The following NCOA2 variants were observed in gnomAD, a reference collection of about 807,000 sequenced individuals.
NCOA2 encodes class E basic helix-loop-helix protein 75.
In NCOA2, 21 loss-of-function variants were observed where a neutral mutation model predicts 145.1. The observed-to-expected ratio is 0.14, with a 90% CI of 0.10 to 0.21. The LOEUF (loss-of-function observed/expected upper bound fraction) is 0.21, where lower values mean the gene tolerates loss of function less well. Ranked by LOEUF, NCOA2 falls within the 10% of genes least tolerant of loss-of-function variation. The pLI is 1.00. For missense variants in NCOA2, 1,472 were observed against 1,837.6 expected, an observed-to-expected ratio of 0.80 and a Z score of 3.64; for synonymous variants, 619 against 637.5, an observed-to-expected ratio of 0.97 and a Z score of 0.44.
chr8:70,174,403 T>C (rs1814601626), intron 5 of NCOA2, among the ~76,000 whole-genome samples: 1 of 152,202 alleles, frequency 6.6e-6, no homozygotes, highest in African/African-American at 2.4e-5. Flanking sequence ...CATTTGTACA[T>C]GGCATGTACA....
In NCOA2 at chr8:70,131,872, C is replaced by G. The variant is rs1185421871; in HGVS notation, c.3289G>C (p.Asp1097His). The change falls in exon 16 of 23, where the codon GAT becomes CAT. Residue 1097 changes from aspartate to histidine, a missense_variant. By Grantham distance (81) the Asp-to-His change is moderately conservative. Around this residue, in one of 4 missense-constraint regions of NCOA2, gnomAD observed 953 missense variants for 1,062.1 expected, o/e 0.90. Coordinates refer to ENST00000452400, the MANE Select transcript of NCOA2 (RefSeq NM_006540.4). ...LRNFDGLEEI[D>H]RALGIPELVS... is the part of the protein sequence containing the mutation. ...AGTTCGGGTATTCCTAAGGCTCTAT[C>G]AATCTCCTCCAGGCCATCAAAATTC... is the stretch of plus-strand genomic sequence containing the variant. 1.3e-6 allele frequency: 2 copies of G among 1,599,562 alleles called. No individual in the cohort carries two copies. Among genetic ancestry groups the G allele is most frequent in the African/African-American group, 2.7e-5 (2 of 74,602 alleles).
At chr8:70,284,773 G>A (rs1194292601) in intron 2 of NCOA2, among the ~76,000 whole-genome samples, 3 of 152,068 alleles carry the variant, frequency 2.0e-5, no homozygotes, top group Non-Finnish European at 2.9e-5. Flanking sequence ...AAGAAGCTTT[G>A]CCTCTACCCT....
At chr8:70,335,233 G>GC (rs764714222) in intron 1 of NCOA2, among the ~76,000 whole-genome samples, 4 of 142,590 alleles carry the variant, frequency 2.8e-5, no homozygotes, top group Non-Finnish European at 6.0e-5. Context: ...TGCTCACACT[G>GC]CCCCCCATAC....
At chr8:70,250,047 A>AT (rs1039656252) in intron 2 of NCOA2, among the ~76,000 whole-genome samples, 1 of 151,660 alleles carries the variant, frequency 6.6e-6, no homozygotes, top group Non-Finnish European at 1.5e-5. Context: ...ACCAGAGGTC[A>AT]TTTTCATCCT....
intron 4 of NCOA2, among the ~76,000 whole-genome samples, chr8:70,198,513 G>C (rs2133452546): frequency 6.6e-6 from 1 of 152,310 alleles, no homozygotes; most frequent in African/African-American, 2.4e-5. Context: ...CACAGCCAAT[G>C]TATTTTTAGA....
intron 7 of NCOA2, among the ~76,000 whole-genome samples, chr8:70,164,539 G>A (rs1189961086): frequency 6.6e-6 from 1 of 152,030 alleles, no homozygotes; most frequent in East Asian, 1.9e-4. Context: ...AGGTATTCAT[G>A]CTGTAAGGCG....
At chr8:70,129,896 C>A (rs933663132) in intron 16 of NCOA2, among the ~76,000 whole-genome samples, 3 of 152,198 alleles carry the variant, frequency 2.0e-5, no homozygotes, top group African/African-American at 7.2e-5. Context: ...TCTCGAACTC[C>A]CAACCTCAGG....
chr8:70,272,793 T>C (rs1393460859), intron 2 of NCOA2, among the ~76,000 whole-genome samples: 1 of 152,202 alleles, frequency 6.6e-6, no homozygotes, highest in Non-Finnish European at 1.5e-5. Flanking sequence ...AAAAATTCTC[T>C]TTAAAGATGT....
chr8:70,384,683 A>G (rs1372269558), intron 1 of NCOA2, among the ~76,000 whole-genome samples: 1 of 152,142 alleles, frequency 6.6e-6, no homozygotes, highest in East Asian at 1.9e-4. Context: ...TTTTAAAATA[A>G]CCCCCAAATT....
chr8:70,364,567 T>C (rs1035574348), intron 1 of NCOA2, among the ~76,000 whole-genome samples: 5 of 152,160 alleles, frequency 3.3e-5, no homozygotes, highest in Non-Finnish European at 7.4e-5. Context: ...TAATAACTGC[T>C]ATTAGTTTAG....
intron 1 of NCOA2, among the ~76,000 whole-genome samples, chr8:70,355,644 T>G (rs1282751658): frequency 1.3e-5 from 2 of 152,108 alleles, no homozygotes. Context: ...CCAAGACAAT[T>G]CTTCTTTCAA....
At chr8:70,298,378 T>C (rs1827237644) in intron 1 of NCOA2, among the ~76,000 whole-genome samples, 1 of 152,190 alleles carries the variant, frequency 6.6e-6, no homozygotes, top group Non-Finnish European at 1.5e-5. Context: ...GAAATGCAGC[T>C]AGTGTATTAG....
At chr8:70,171,165 G>A (rs1398217459) in intron 5 of NCOA2, among the ~76,000 whole-genome samples, 2 of 152,314 alleles carry the variant, frequency 1.3e-5, no homozygotes, top group East Asian at 1.9e-4. Flanking sequence ...TCATCCCAAC[G>A]GAGGTAAGGG....
chr8:70,149,415 AT>A lies in NCOA2; in HGVS notation c.2395-933del, dbSNP rs780178075. Among the ~76,000 whole-genome samples, 494 of 137,234 alleles carry A rather than the reference AT, an allele frequency of 3.6e-3. 1 individual carries two copies. The highest frequency in any genetic ancestry group is 4.5e-3 in the African/African-American group (168 of 37,534). 90.0% of individuals were successfully genotyped at this position (137,234 alleles called of 152,430 possible). A position where few individuals can be genotyped will look rare whatever the true frequency, so the allele number is the denominator to read the frequency against. Reference sequence around the variant, plus strand: ...ACCACCATGTCTGGCTAATTTTTTGATTTTTTTTTTTTTTAGAGATGGGGGT... The same window carrying A: ...ACCACCATGTCTGGCTAATTTTTTGATTTTTTTTTTTTTAGAGATGGGGGT... On this transcript the variant is annotated intron_variant, in intron 11 of 22. Transcript: ENST00000452400.
At chr8:70,422,909 G>C in the NCOA2 span, among the ~76,000 whole-genome samples, 4 of 151,916 alleles carry the variant, frequency 2.6e-5, no homozygotes, top group African/African-American at 9.7e-5. Context: ...ATGAGGTCTT[G>C]CTATGTTTCC....
At position 70,141,413 on chromosome 8, in the gene NCOA2, A is replaced by G; in HGVS notation, c.2813-14T>C. On this transcript the variant is annotated splice_polypyrimidine_tract_variant and intron_variant, in intron 13 of 22. Coordinates refer to ENST00000452400, the MANE Select transcript of NCOA2 (RefSeq NM_006540.4). ...TACCAATCATTCCTGCATGCAAGCC[A>G]AAGAAAACTGAGAGATGCAGTAACT... The G allele has an allele frequency of 6.2e-7, 1 of 1,610,032 alleles. No individual in the cohort carries two copies. Among genetic ancestry groups the G allele is most frequent in the Non-Finnish European group, 8.5e-7 (1 of 1,176,998 alleles).
intron 3 of NCOA2, among the ~76,000 whole-genome samples, chr8:70,215,212 C>G (rs1364473004): frequency 6.6e-6 from 1 of 152,070 alleles, no homozygotes; most frequent in East Asian, 1.9e-4. Flanking sequence ...AGTTCCCATT[C>G]TGACCCCCTC....
chr8:70,174,331 T>C (rs1412171034), intron 5 of NCOA2, among the ~76,000 whole-genome samples: 1 of 152,180 alleles, frequency 6.6e-6, no homozygotes, highest in Non-Finnish European at 1.5e-5. Flanking sequence ...TAGTTTCAAA[T>C]AGCATAAATA....
chr8:70,419,029 C>G, the NCOA2 span, among the ~76,000 whole-genome samples: 1 of 151,190 alleles, frequency 6.6e-6, no homozygotes, highest in Non-Finnish European at 1.5e-5. Flanking sequence ...CAGTGCCAAG[C>G]TGAGAAGATT....
Sources: gnomAD v4.1 joint callset for allele counts (sites outside exome capture counted in the v4.1 genomes callset) on GRCh38, gnomAD v4.1.1 for gene constraint, gnomAD v4.1.1 regional missense constraint, MANE v1.5 for transcripts, NCBI Gene and HGNC (gene_info 2026-07-23, HGNC 2026-07-21) for gene names.